Variants in INSL6 observed in about 807,000 individuals in gnomAD.
INSL6 encodes insulin-like peptide INSL6.
In INSL6, 16 loss-of-function variants were observed where a neutral mutation model predicts 9.4. The observed-to-expected ratio is 1.70, with a 90% CI of 1.15 to 2.59. The LOEUF (loss-of-function observed/expected upper bound fraction) is 2.59, where lower values mean the gene tolerates loss of function less well. Ranked by LOEUF, INSL6 falls within the 30% of genes most tolerant of loss-of-function variation. INSL6 has a pLI of 0.00. For synonymous variants in INSL6, 154 were observed against 96.9 expected, an observed-to-expected ratio of 1.59 and a Z score of -3.46; for missense variants, 391 against 257.3, an observed-to-expected ratio of 1.52 and a Z score of -3.56.
the INSL6 span, among the ~76,000 whole-genome samples, chr9:5,083,622 C>T: frequency 6.6e-6 from 1 of 151,830 alleles, no homozygotes; most frequent in African/African-American, 2.4e-5. Flanking sequence ...CCTTTAGATC[C>T]CAATAGATTA....
intron 2 of INSL6, among the ~76,000 whole-genome samples, chr9:5,143,531 A>G (rs933423681): frequency 6.6e-6 from 1 of 152,042 alleles, no homozygotes; most frequent in African/African-American, 2.4e-5. Flanking sequence ...GTCAGTGGTA[A>G]TAACCCCCCT....
the INSL6 span, chr9:5,114,855 G>T: frequency 4.3e-6 from 1 of 232,098 alleles, no homozygotes; most frequent in East Asian, 1.4e-4. Context: ...CTGTGTGGTG[G>T]GAAGGGCTGG....
the INSL6 span, chr9:5,098,972 G>A: frequency 6.6e-6 from 1 of 152,090 alleles, no homozygotes; most frequent in East Asian, 1.9e-4. Flanking sequence ...GGGATTACAG[G>A]CGTGTGAGCC....
At chr9:5,157,245 T>C (rs982686532) in intron 2 of INSL6, among the ~76,000 whole-genome samples, 1 of 152,140 alleles carries the variant, frequency 6.6e-6, no homozygotes, top group South Asian at 2.1e-4. Context: ...AATAGTAAAC[T>C]GTTTCTAAAA....
At chr9:5,123,971 G>T (rs1359707259) in exon 4 of INSL6, among the ~76,000 whole-genome samples, 2 of 151,010 alleles carry the variant, frequency 1.3e-5, no homozygotes, top group Non-Finnish European at 3.0e-5. Flanking sequence ...TTAGTGATTA[G>T]CATTTTTTCA....
the INSL6 span, chr9:5,111,100 C>CAGA: frequency 8.2e-7 from 1 of 1,223,700 alleles, no homozygotes; most frequent in South Asian, 1.3e-5. Flanking sequence ...CAGCGGCGAC[C>CAGA]AGAACAGCTC....
the INSL6 span, among the ~76,000 whole-genome samples, chr9:5,103,299 C>T: frequency 8.4e-6 from 1 of 119,752 alleles, no homozygotes; most frequent in Non-Finnish European, 1.7e-5. Context: ...GACTTTAAGC[C>T]AACAAAGATC....
chr9:5,121,223 T>C (rs1457864478), downstream of INSL6, among the ~76,000 whole-genome samples: 1 of 152,188 alleles, frequency 6.6e-6, no homozygotes, highest in Non-Finnish European at 1.5e-5. Context: ...TAGAGCAGGA[T>C]GTGATGTGTA....
chr9:5,042,989 G>T, the INSL6 span, among the ~76,000 whole-genome samples: 5 of 152,230 alleles, frequency 3.3e-5, no homozygotes, highest in Non-Finnish European at 7.3e-5. Flanking sequence ...AAGCTGAGGG[G>T]GGTGGGCCGG....
chr9:5,169,706 G>A (rs1244611078), intron 1 of INSL6, among the ~76,000 whole-genome samples: 1 of 152,146 alleles, frequency 6.6e-6, no homozygotes, highest in Non-Finnish European at 1.5e-5. Flanking sequence ...ACAGAAAACA[G>A]CAAGGGTTGC....
the INSL6 span, chr9:5,041,421 T>A: frequency 1.6e-6 from 1 of 628,078 alleles, no homozygotes; most frequent in Middle Eastern, 3.1e-4. Context: ...CTGGGCCACA[T>A]GTTCATGTAC....
the INSL6 span, chr9:5,084,870 C>A: frequency 2.6e-6 from 1 of 387,652 alleles, no homozygotes; most frequent in Non-Finnish European, 5.0e-6. Context: ...AACAAATTGC[C>A]CATCAATAAG....
At chr9:5,022,915 T>C in the INSL6 span, among the ~76,000 whole-genome samples, 1 of 152,248 alleles carries the variant, frequency 6.6e-6, no homozygotes, top group Admixed American at 6.5e-5. Context: ...AAATGTCTAA[T>C]ATAGTATTTA....
the INSL6 span, chr9:5,089,557 AAAAAAAAAGAC>A: frequency 2.8e-6 from 1 of 360,006 alleles, no homozygotes; most frequent in African/African-American, 2.1e-5. Flanking sequence ...AAAAAAAAAA[AAAAAAAAAGAC>A]AGTCTGCTAA....
At chr9:5,123,162 C>T (rs1481392359), downstream of INSL6, 6 of 1,354,106 alleles carry the variant, frequency 4.4e-6, no homozygotes, top group East Asian at 7.0e-5. Flanking sequence ...TTTGTTTGTT[C>T]GTTTGATTTT....
chr9:5,090,721 A>G, the INSL6 span: 1 of 1,572,082 alleles, frequency 6.4e-7, no homozygotes, highest in Admixed American at 2.1e-5. Context: ...AGCTGAAAGA[A>G]AAATGTTTTA....
the INSL6 span, among the ~76,000 whole-genome samples, chr9:5,032,012 A>G: frequency 6.6e-6 from 1 of 152,260 alleles, no homozygotes; most frequent in African/African-American, 2.4e-5. Flanking sequence ...TTTCCTAGTC[A>G]AAGAAAGGGG....
chr9:5,110,756 G>A, the INSL6 span: 8 of 378,194 alleles, frequency 2.1e-5, no homozygotes, highest in African/African-American at 6.3e-5. Flanking sequence ...TTTGCTCTGC[G>A]GACTGGCCAT....
the INSL6 span, among the ~76,000 whole-genome samples, chr9:5,032,031 G>A: frequency 6.6e-6 from 1 of 152,176 alleles, no homozygotes; most frequent in Non-Finnish European, 1.5e-5. Flanking sequence ...GGTGACAGAC[G>A]GCACCTGGAA....
Sources: allele counts gnomAD v4.1 joint callset (sites outside exome capture counted in the v4.1 genomes callset), GRCh38; gene constraint gnomAD v4.1.1; transcripts MANE v1.5; gene names NCBI Gene and HGNC (gene_info 2026-07-23, HGNC 2026-07-21).